Variants in STAG1 observed in about 807,000 individuals in gnomAD.
STAG1 encodes cohesin subunit SA-1.
A neutral mutation model predicts 170.9 loss-of-function variants in STAG1; 26 were observed. That is an observed-to-expected ratio of 0.15 (90% CI 0.11 to 0.21). The LOEUF is 0.21. Among genes scored for constraint, STAG1 ranks in the 10% least tolerant of loss-of-function variants. STAG1 has a pLI of 1.00. For synonymous variants in STAG1, 514 were observed against 497.7 expected, an observed-to-expected ratio of 1.03 and a Z score of -0.44; for missense variants, 964 against 1,509.5, an observed-to-expected ratio of 0.64 and a Z score of 5.99.
chr3:136,741,968 C>T (rs968702337), intron 1 of STAG1, among the ~76,000 whole-genome samples: 3 of 152,080 alleles, frequency 2.0e-5, no homozygotes, highest in Non-Finnish European at 2.9e-5. Flanking sequence ...GACATTTCAT[C>T]ACAATAAAAA....
chr3:136,592,981 G>T (rs1353634940), intron 4 of STAG1, among the ~76,000 whole-genome samples: 1 of 152,070 alleles, frequency 6.6e-6, no homozygotes, highest in Non-Finnish European at 1.5e-5. Flanking sequence ...TTGTGACAAG[G>T]GTGTTGTTAT....
intron 3 of STAG1, among the ~76,000 whole-genome samples, chr3:136,607,498 G>C (rs1236814639): frequency 2.0e-5 from 3 of 152,130 alleles, no homozygotes. Context: ...TGCCTCCTGG[G>C]TTCAAGCGAT....
At chr3:136,507,367 TTTTG>T (rs1175251392) in intron 7 of STAG1, among the ~76,000 whole-genome samples, 5 of 152,110 alleles carry the variant, frequency 3.3e-5, no homozygotes, top group Admixed American at 6.6e-5. Context: ...TTTTTTTACT[TTTTG>T]TTTTTCTTTT....
At chr3:136,571,942 G>T (rs1437722265) in intron 4 of STAG1, among the ~76,000 whole-genome samples, 1 of 152,136 alleles carries the variant, frequency 6.6e-6, no homozygotes, top group Admixed American at 6.6e-5. Flanking sequence ...CAACACTTTG[G>T]GAGGCCGAGA....
intron 4 of STAG1, among the ~76,000 whole-genome samples, chr3:136,586,600 A>C (rs1937840035): frequency 6.6e-6 from 1 of 152,242 alleles, no homozygotes; most frequent in Non-Finnish European, 1.5e-5. Context: ...AGCTCTAAGT[A>C]ACCTGAAGGC....
intron 4 of STAG1, among the ~76,000 whole-genome samples, chr3:136,585,786 G>A (rs978810050): frequency 1.3e-5 from 2 of 152,048 alleles, no homozygotes; most frequent in South Asian, 2.1e-4. Context: ...TATCTCAAAA[G>A]CTAAGACTAA....
chr3:136,479,557 T>C lies in STAG1; in HGVS notation c.903-2145A>G, dbSNP rs2089867710. Reference sequence around the variant, plus strand: ...AAACATACGTGTGCATGTGTCTTTATAGCAGCATGATTTATAGTCCTTTGG... The same window carrying C: ...AAACATACGTGTGCATGTGTCTTTACAGCAGCATGATTTATAGTCCTTTGG... On this transcript the variant is annotated intron_variant, in intron 9 of 33. Coordinates refer to ENST00000383202, the MANE Select transcript of STAG1 (RefSeq NM_005862.3). Among the ~76,000 whole-genome samples, 3 of 63,514 alleles carry C rather than the reference T, an allele frequency of 4.7e-5. 1 individual carries two copies. Among genetic ancestry groups the C allele is most frequent in the South Asian group, 1.6e-3 (2 of 1,252 alleles). 41.7% of individuals were successfully genotyped at this position (63,514 alleles called of 152,430 possible). A position where few individuals can be genotyped will look rare whatever the true frequency, so the allele number is the denominator to read the frequency against.
chr3:136,590,787 G>A (rs931756177), intron 4 of STAG1, among the ~76,000 whole-genome samples: 2 of 152,128 alleles, frequency 1.3e-5, no homozygotes, highest in African/African-American at 4.8e-5. Context: ...AGACACTATG[G>A]GTTATAAAAT....
chr3:136,493,503 A>C (rs2090158879), intron 9 of STAG1, among the ~76,000 whole-genome samples: 1 of 151,936 alleles, frequency 6.6e-6, no homozygotes, highest in Admixed American at 6.6e-5. Flanking sequence ...AAAATAACAA[A>C]AATTAGCCAG....
chr3:136,617,707 A>G (rs1373774905), intron 3 of STAG1, among the ~76,000 whole-genome samples: 1 of 152,230 alleles, frequency 6.6e-6, no homozygotes, highest in Non-Finnish European at 1.5e-5. Flanking sequence ...GGAGCCAGAA[A>G]AAATCTAGCA....
At chr3:136,343,687 C>T (rs955766819) in intron 30 of STAG1, 145 bp downstream of exon 30, 3 of 507,312 alleles carry the variant, frequency 5.9e-6, no homozygotes, top group South Asian at 5.6e-5. Flanking sequence ...TTTTATAGCT[C>T]TTCTCACATG....
intron 4 of STAG1, among the ~76,000 whole-genome samples, chr3:136,584,036 G>A (rs1937681938): frequency 6.6e-6 from 1 of 152,126 alleles, no homozygotes; most frequent in Admixed American, 6.5e-5. Context: ...CTATACAACT[G>A]TTCAATTTTA....
intron 5 of STAG1, among the ~76,000 whole-genome samples, chr3:136,561,167 A>C (rs1300720680): frequency 6.6e-6 from 1 of 152,190 alleles, no homozygotes; most frequent in Admixed American, 6.6e-5. Context: ...AATACAAAAA[A>C]ATTTCCCCCA....
intron 1 of STAG1, among the ~76,000 whole-genome samples, chr3:136,691,115 T>C (rs1034915145): frequency 6.6e-6 from 1 of 151,446 alleles, no homozygotes. Flanking sequence ...CTGGGACACA[T>C]GGCAAAACCT....
intron 1 of STAG1, among the ~76,000 whole-genome samples, chr3:136,705,426 A>G (rs1576789190): frequency 7.0e-6 from 1 of 143,152 alleles, no homozygotes; most frequent in Non-Finnish European, 1.5e-5. Context: ...CACACACACA[A>G]CGAAGTTCAA....
chr3:136,466,607 A>C (rs2089468567), intron 12 of STAG1, among the ~76,000 whole-genome samples: 1 of 152,220 alleles, frequency 6.6e-6, no homozygotes. Context: ...GAACTTCCCC[A>C]ATCTAGCAAG....
intron 21 of STAG1, among the ~76,000 whole-genome samples, chr3:136,412,455 G>A (rs963136250): frequency 3.3e-5 from 5 of 152,152 alleles, no homozygotes; most frequent in South Asian, 2.1e-4. Flanking sequence ...TAAAGAATAC[G>A]TCTACAGCTC....
intron 1 of STAG1, among the ~76,000 whole-genome samples, chr3:136,656,465 A>C (rs1473238784): frequency 6.6e-6 from 1 of 151,816 alleles, no homozygotes; most frequent in Non-Finnish European, 1.5e-5. Context: ...TTTTTTCCCA[A>C]CATTAGCGGT....
intron 6 of STAG1, among the ~76,000 whole-genome samples, chr3:136,537,736 T>C (rs1232132955): frequency 1.3e-5 from 2 of 152,062 alleles, no homozygotes; most frequent in African/African-American, 4.8e-5. Context: ...CCTCAAATGA[T>C]CCACCCACTT....
Sources: allele counts gnomAD v4.1 joint callset (sites outside exome capture counted in the v4.1 genomes callset), GRCh38; gene constraint gnomAD v4.1.1; transcripts MANE v1.5; gene names NCBI Gene and HGNC (gene_info 2026-07-23, HGNC 2026-07-21).